Variants in DMC1 observed in about 807,000 individuals in gnomAD.
The protein encoded by DMC1 is DNA meiotic recombinase 1, also known as meiotic recombination protein DMC1 homolog.
A neutral mutation model predicts 50.1 loss-of-function variants in DMC1; 27 were observed. The observed-to-expected ratio is 0.54, with a 90% CI of 0.40 to 0.74. The LOEUF is 0.74. Among genes scored for constraint, DMC1 ranks in the 30% least tolerant of loss-of-function variants. The probability of loss-of-function intolerance (pLI) is 0.00; values close to 1 mark genes in which losing one functional copy is unlikely to be tolerated. For synonymous variants in DMC1, 148 were observed against 136.1 expected (o/e 1.09, Z -0.61); for missense variants, 295 against 420.2 (o/e 0.70, Z 2.60).
rs1308647616 is a variant in DMC1 at position 38,520,046 on chromosome 22, C to T, written c.997G>A (p.Gly333Arg). Residue 333 changes from glycine to arginine, a missense_variant, in exon 14 of 14, where the codon GGA becomes AGA. Transcript: ENST00000216024. Reference protein sequence around the residue: ...ENEATFAITAGGIGDAKE With the variant: ...ENEATFAITARGIGDAKE ...TACTCCTTGGCATCCCCAATTCCTC[C>T]AGCAGTTATTGCGAAGGTGGCTTCA... 6.2e-7 allele frequency: 1 copy of T among 1,613,646 alleles called. No homozygotes were observed. The highest frequency in any genetic ancestry group is 1.7e-5 in the Admixed American group (1 of 60,000).
chr22:38,520,128 C>T, intron 13 of DMC1, 39 bp from the exon 14 acceptor site: 2 of 1,510,318 alleles, frequency 1.3e-6, no homozygotes, highest in Non-Finnish European at 1.8e-6. Flanking sequence ...ATAAAAAGCT[C>T]TATTTCTATA....
chr22:38,526,684 AC>A (rs370057915), intron 12 of DMC1, among the ~76,000 whole-genome samples: 1 of 138,686 alleles, frequency 7.2e-6, no homozygotes, highest in East Asian at 2.4e-4. Context: ...AATAATAATA[AC>A]TAAGATTTAC....
intron 6 of DMC1, among the ~76,000 whole-genome samples, chr22:38,553,852 G>C (rs1350037452): frequency 6.6e-6 from 1 of 151,340 alleles, no homozygotes; most frequent in East Asian, 1.9e-4. Flanking sequence ...CCAGCTACTT[G>C]GGAGGCTGAG....
chr22:38,560,831 A>G (rs2090519640), intron 5 of DMC1, among the ~76,000 whole-genome samples: 1 of 152,106 alleles, frequency 6.6e-6, no homozygotes, highest in Non-Finnish European at 1.5e-5. Flanking sequence ...ATCTTTTTTC[A>G]TATAGACCAC....
downstream of DMC1, among the ~76,000 whole-genome samples, chr22:38,516,301 C>T (rs950073296): frequency 6.6e-6 from 1 of 152,192 alleles, no homozygotes; most frequent in Non-Finnish European, 1.5e-5. Context: ...CATATTGAAA[C>T]CAGCTTCTCC....
chr22:38,519,750 G>A lies in DMC1; in HGVS notation c.*270C>T. ...ACACAGAGTGAGAGAATTTCAATAGGTATATATATCTACTATATATGTCAG... is the reference window on the plus strand; with the variant it reads ...ACACAGAGTGAGAGAATTTCAATAGATATATATATCTACTATATATGTCAG... On this transcript the variant is annotated 3_prime_UTR_variant, in exon 14 of 14. Transcript: ENST00000216024. 2.4e-6 allele frequency: 1 copy of A among 408,196 alleles called. No homozygotes were observed. 25.3% of individuals were successfully genotyped at this position (408,196 alleles called of 1,614,324 possible). A position where few individuals can be genotyped will look rare whatever the true frequency, so the allele number is the denominator to read the frequency against.
intron 8 of DMC1, chr22:38,546,227 C>T (rs1235785725): frequency 1.3e-5 from 2 of 152,232 alleles, no homozygotes; most frequent in African/African-American, 4.8e-5. Context: ...CCTGTCTCTA[C>T]TAAAAATACA....
chr22:38,544,786 C>T (rs1024674816), intron 8 of DMC1, among the ~76,000 whole-genome samples: 41 of 61,782 alleles, frequency 6.6e-4, no homozygotes, highest in African/African-American at 2.4e-3. Flanking sequence ...CCACCATGCC[C>T]GGCTAATTTT....
downstream of DMC1, among the ~76,000 whole-genome samples, chr22:38,516,548 A>G (rs2089977946): frequency 6.6e-6 from 1 of 152,162 alleles, no homozygotes; most frequent in African/African-American, 2.4e-5. Flanking sequence ...AGTTTTTATC[A>G]AGGATGTTGT....
At chr22:38,541,280 T>A (rs1303319812) in intron 8 of DMC1, among the ~76,000 whole-genome samples, 1 of 152,184 alleles carries the variant, frequency 6.6e-6, no homozygotes, top group Admixed American at 6.6e-5. Context: ...ATCACTTATA[T>A]ATTTTTAAAA....
intron 12 of DMC1, among the ~76,000 whole-genome samples, chr22:38,532,766 T>C (rs2090167153): frequency 6.6e-6 from 1 of 152,068 alleles, no homozygotes; most frequent in Non-Finnish European, 1.5e-5. Flanking sequence ...ACTACAGGCA[T>C]GTGCCACCAT....
In DMC1 at chr22:38,519,975, C is replaced by T. The variant is rs760093905; in HGVS notation, c.*45G>A. 2.9e-5 allele frequency: 44 copies of T among 1,492,098 alleles called. 1 individual carries two copies. The South Asian group carries it at 3.6e-4, about 12-fold the overall frequency. 92.4% of individuals were successfully genotyped at this position (1,492,098 alleles called of 1,614,324 possible). ...ATTGGAGACTGCTTTTCCATTTCTT[C>T]AGCTCCTAATAAGCACTAAGAAGCA... On this transcript the variant is annotated 3_prime_UTR_variant, in exon 14 of 14. Coordinates refer to ENST00000216024, the MANE Select transcript of DMC1 (RefSeq NM_007068.4).
At chr22:38,538,743 A>G (rs547050906) in intron 9 of DMC1, 131 bp from the exon 10 acceptor site, 2 of 855,588 alleles carry the variant, frequency 2.3e-6, no homozygotes, top group Admixed American at 3.9e-5. Flanking sequence ...ACTTTATTAA[A>G]TATTATTGCA....
At chr22:38,547,643 G>A (rs915100631) in intron 8 of DMC1, among the ~76,000 whole-genome samples, 4 of 152,084 alleles carry the variant, frequency 2.6e-5, no homozygotes, top group East Asian at 1.9e-4. Context: ...CAGTTCAAGC[G>A]ATTCTCCTGC....
Position 38,523,503 on chromosome 22 carries a change from G to A in DMC1, c.837-1779C>T, listed in dbSNP as rs192867868. Among the ~76,000 whole-genome samples, 345 of 152,274 alleles carry A rather than the reference G, an allele frequency of 2.3e-3. 2 individuals are homozygous for A. The highest frequency in any genetic ancestry group is 3.8e-3 in the Non-Finnish European group (256 of 68,016). ...TATGCTTCTGTAATGTACTTTTCAT[G>A]TTCTGCCTTTAGTACTATTATTTAT... On this transcript the variant is annotated intron_variant, in intron 12 of 13. Transcript: ENST00000216024.
chr22:38,509,968 A>G, the DMC1 span, among the ~76,000 whole-genome samples: 2 of 152,122 alleles, frequency 1.3e-5, no homozygotes, highest in African/African-American at 4.8e-5. Flanking sequence ...GGCCTTCATT[A>G]TATATTACGG....
rs2090003132 is a variant in DMC1, at chr22:38,519,762, A to G, written c.*258T>C. 3 of 426,612 alleles carry G rather than the reference A, an allele frequency of 7.0e-6. No homozygotes were observed. The highest frequency in any genetic ancestry group is 3.5e-5 in the Admixed American group (1 of 28,632). The allele number at this position is 426,612 out of a possible 1,614,324, so 26.4% of individuals were successfully genotyped here. A position where few individuals can be genotyped will look rare whatever the true frequency, so the allele number is the denominator to read the frequency against. On this transcript the variant is annotated 3_prime_UTR_variant, in exon 14 of 14. Transcript: ENST00000216024. ...AGAATTTCAATAGGTATATATATCT[A>G]CTATATATGTCAGGTATACACACAC...
At chr22:38,526,811 A>G (rs1211683701) in intron 12 of DMC1, among the ~76,000 whole-genome samples, 1 of 152,178 alleles carries the variant, frequency 6.6e-6, no homozygotes, top group East Asian at 1.9e-4. Context: ...ATTGAGGTCT[A>G]CTTACAGGGA....
At chr22:38,550,965 A>T in intron 7 of DMC1, among the ~76,000 whole-genome samples, 1 of 150,516 alleles carries the variant, frequency 6.6e-6, no homozygotes, top group African/African-American at 2.4e-5. Context: ...AAAGAAAGAA[A>T]GAAAGAAAAA....
Sources: gnomAD v4.1 joint callset for allele counts (sites outside exome capture counted in the v4.1 genomes callset) on GRCh38, gnomAD v4.1.1 for gene constraint, MANE v1.5 for transcripts, NCBI Gene and HGNC (gene_info 2026-07-23, HGNC 2026-07-21) for gene names.